ANKS1B: variants seen among roughly 807,000 people sequenced by gnomAD.
ANKS1B encodes the protein ankyrin repeat and sterile alpha motif domain-containing protein 1B.
ANKS1B carries 36 observed loss-of-function variants against 148.3 expected under a neutral mutation model. That is an observed-to-expected ratio of 0.24 (90% confidence interval 0.19 to 0.32). ANKS1B has a LOEUF of 0.32. ANKS1B is among the 10% of genes least tolerant of loss of function. The pLI, the probability that ANKS1B is intolerant of heterozygous loss-of-function variation, is 1.00. For synonymous variants in ANKS1B, 542 were observed against 560.8 expected (o/e 0.97, Z 0.47); for missense variants, 1,157 against 1,542.6 (o/e 0.75, Z 4.19).
chr12:99,377,883 G>A (rs549763259), intron 12 of ANKS1B, among the ~76,000 whole-genome samples: 11 of 152,266 alleles, frequency 7.2e-5, no homozygotes, highest in African/African-American at 2.4e-4. Flanking sequence ...AACCTGGACA[G>A]GTTTGTGACT....
At chr12:99,248,338 T>C (rs2074134040) in intron 12 of ANKS1B, among the ~76,000 whole-genome samples, 1 of 152,176 alleles carries the variant, frequency 6.6e-6, no homozygotes. Flanking sequence ...TGGTTCCTGC[T>C]TGATTTTTCC....
chr12:99,237,723 T>C, intron 14 of ANKS1B, among the ~76,000 whole-genome samples: 1 of 152,218 alleles, frequency 6.6e-6, no homozygotes, highest in African/African-American at 2.4e-5. Context: ...TTTAATGCTT[T>C]GAAGTGCTTC....
intron 24 of ANKS1B, among the ~76,000 whole-genome samples, chr12:98,774,551 T>A (rs2098647851): frequency 2.6e-5 from 4 of 152,212 alleles, no homozygotes; most frequent in Admixed American, 2.6e-4. Context: ...CATTTTCTTA[T>A]CTTATAATAT....
intron 10 of ANKS1B, among the ~76,000 whole-genome samples, chr12:99,445,780 A>G: frequency 6.6e-6 from 1 of 151,870 alleles, no homozygotes; most frequent in Admixed American, 6.6e-5. Context: ...GGAGTGCAGT[A>G]GCATGAACAC....
chr12:99,001,289 G>A (rs145314337), intron 17 of ANKS1B, among the ~76,000 whole-genome samples: 1 of 151,942 alleles, frequency 6.6e-6, no homozygotes, highest in East Asian at 1.9e-4. Flanking sequence ...ACCATGCTCA[G>A]CTAATTTTTG....
chr12:98,992,306 G>C (rs2153289905), intron 17 of ANKS1B, among the ~76,000 whole-genome samples: 1 of 152,120 alleles, frequency 6.6e-6, no homozygotes, highest in South Asian at 2.1e-4. Flanking sequence ...TCAGATCATT[G>C]TGCCCTCTGA....
At chr12:99,858,556 G>A (rs556790194) in intron 1 of ANKS1B, among the ~76,000 whole-genome samples, 10 of 152,220 alleles carry the variant, frequency 6.6e-5, no homozygotes, top group African/African-American at 1.4e-4. Context: ...GTCATTATAC[G>A]AAAAAGATAC....
intron 24 of ANKS1B, among the ~76,000 whole-genome samples, chr12:98,776,664 G>A (rs1032360389): frequency 3.3e-5 from 5 of 152,142 alleles, no homozygotes; most frequent in Non-Finnish European, 7.3e-5. Context: ...TCTGCCTCTC[G>A]CCACTGCATT....
chr12:99,591,638 T>C (rs1322152222), intron 9 of ANKS1B, among the ~76,000 whole-genome samples: 1 of 152,120 alleles, frequency 6.6e-6, no homozygotes, highest in East Asian at 1.9e-4. Context: ...ATTGCCACTC[T>C]GGTTACTACT....
At chr12:98,832,258 G>A (rs572149681) in intron 17 of ANKS1B, 122 bp from the exon 18 acceptor site, 1 of 742,676 alleles carries the variant, frequency 1.3e-6, no homozygotes, top group East Asian at 2.8e-5. Flanking sequence ...GAGATGTGGT[G>A]TCACTTCAGT....
intron 17 of ANKS1B, among the ~76,000 whole-genome samples, chr12:98,990,651 A>G (rs2099926093): frequency 6.6e-6 from 1 of 152,146 alleles, no homozygotes; most frequent in Admixed American, 6.5e-5. Context: ...ATCCAGCACA[A>G]AGTCTGGGCT....
At chr12:99,220,160 C>A (rs2084864601) in intron 14 of ANKS1B, among the ~76,000 whole-genome samples, 3 of 152,080 alleles carry the variant, frequency 2.0e-5, no homozygotes, top group South Asian at 2.1e-4. Context: ...CCACCACACC[C>A]AGCTAATTTT....
At chr12:99,321,303 G>A (rs1264839218) in intron 12 of ANKS1B, among the ~76,000 whole-genome samples, 4 of 152,206 alleles carry the variant, frequency 2.6e-5, no homozygotes, top group Non-Finnish European at 5.9e-5. Context: ...GCCCCCAGAG[G>A]TGGAGTCCAC....
chr12:99,980,638 AAG>A (rs911847327), intron 1 of ANKS1B, among the ~76,000 whole-genome samples: 4 of 152,048 alleles, frequency 2.6e-5, no homozygotes, highest in African/African-American at 9.7e-5. Flanking sequence ...TAAAGAAGGA[AAG>A]AGAGAGTAGA....
At chr12:99,413,601 AC>A (rs1412430609) in intron 11 of ANKS1B, among the ~76,000 whole-genome samples, 1 of 152,230 alleles carries the variant, frequency 6.6e-6, no homozygotes, top group African/African-American at 2.4e-5. Context: ...TTAAACTCTT[AC>A]AGTCACTACA....
At chr12:99,369,097 T>C (rs1444819653) in intron 12 of ANKS1B, among the ~76,000 whole-genome samples, 2 of 152,168 alleles carry the variant, frequency 1.3e-5, no homozygotes, top group Admixed American at 6.6e-5. Flanking sequence ...CAAACAGACC[T>C]TGCAATGAAG....
At chr12:99,198,454 C>T (rs752462422) in intron 14 of ANKS1B, among the ~76,000 whole-genome samples, 5 of 152,142 alleles carry the variant, frequency 3.3e-5, no homozygotes, top group Non-Finnish European at 7.4e-5. Flanking sequence ...TCTACTGCCA[C>T]AAAAATGTTG....
chr12:98,942,485 C>T (rs914060855), intron 17 of ANKS1B, among the ~76,000 whole-genome samples: 1 of 152,070 alleles, frequency 6.6e-6, no homozygotes, highest in Non-Finnish European at 1.5e-5. Context: ...TCCGGAAATC[C>T]CTCGCTTCAG....
At chr12:98,905,935 G>A (rs1479202590) in intron 17 of ANKS1B, among the ~76,000 whole-genome samples, 1 of 148,512 alleles carries the variant, frequency 6.7e-6, no homozygotes, top group Non-Finnish European at 1.5e-5. Context: ...GCAGTGCTGT[G>A]AAAATTCACT....
Sources: allele counts gnomAD v4.1 joint callset (sites outside exome capture counted in the v4.1 genomes callset), GRCh38; gene constraint gnomAD v4.1.1; transcripts MANE v1.5; gene names NCBI Gene and HGNC (gene_info 2026-07-23, HGNC 2026-07-21).